Variants in SOX6 observed in about 807,000 individuals in gnomAD.
SOX6 encodes the protein SRY-box transcription factor 6, also known as transcription factor SOX-6.
SOX6 carries 11 observed loss-of-function variants against 97.8 expected under a neutral mutation model. The observed-to-expected ratio is 0.11, with a 90% CI of 0.07 to 0.19. The LOEUF (loss-of-function observed/expected upper bound fraction) is 0.19. Among genes scored for constraint, SOX6 ranks in the 10% least tolerant of loss-of-function variants. The pLI is 1.00. For missense variants in SOX6, 810 were observed against 1,039.5 expected, an observed-to-expected ratio of 0.78 and a Z score of 3.04; for synonymous variants, 360 against 371.4, an observed-to-expected ratio of 0.97 and a Z score of 0.35.
chr11:16,519,452 C>T (rs1437693864), intron 4 of SOX6, among the ~76,000 whole-genome samples: 2 of 152,082 alleles, frequency 1.3e-5, no homozygotes, highest in Non-Finnish European at 2.9e-5. Flanking sequence ...ATGCAGTATT[C>T]CTGTTTCTGA....
At chr11:16,738,017 C>T (rs187803478) in intron 1 of SOX6, among the ~76,000 whole-genome samples, 4 of 152,126 alleles carry the variant, frequency 2.6e-5, no homozygotes, top group Admixed American at 2.6e-4. Context: ...GGAGCACTCC[C>T]ACCTCACACA....
intron 3 of SOX6, among the ~76,000 whole-genome samples, chr11:16,255,235 C>T (rs1464597141): frequency 6.6e-6 from 1 of 151,978 alleles, no homozygotes; most frequent in African/African-American, 2.4e-5. Context: ...CATCATTGAA[C>T]TCAGCAACAC....
At chr11:16,487,203 A>T (rs1257969030) in intron 4 of SOX6, among the ~76,000 whole-genome samples, 1 of 152,190 alleles carries the variant, frequency 6.6e-6, no homozygotes, top group African/African-American at 2.4e-5. Flanking sequence ...ATGATTTTTT[A>T]AAATATAAGG....
At chr11:16,684,772 T>C (rs1189462633) in intron 3 of SOX6, among the ~76,000 whole-genome samples, 1 of 151,738 alleles carries the variant, frequency 6.6e-6, no homozygotes, top group Non-Finnish European at 1.5e-5. Flanking sequence ...GCCTTTCTCT[T>C]TGGAAAAAAA....
At chr11:16,464,003 C>T (rs2133108875) in intron 1 of SOX6, among the ~76,000 whole-genome samples, 1 of 152,316 alleles carries the variant, frequency 6.6e-6, no homozygotes, top group Middle Eastern at 3.4e-3. Flanking sequence ...AGAAACACAA[C>T]TAGGGACATC....
At chr11:16,533,592 T>A (rs1861265868) in intron 4 of SOX6, among the ~76,000 whole-genome samples, 1 of 152,046 alleles carries the variant, frequency 6.6e-6, no homozygotes. Flanking sequence ...AAAGATTATA[T>A]ACCCTCATTG....
intron 4 of SOX6, among the ~76,000 whole-genome samples, chr11:16,191,980 A>C (rs901821943): frequency 3.9e-5 from 6 of 151,994 alleles, no homozygotes; most frequent in Non-Finnish European, 5.9e-5. Flanking sequence ...CTCCAGCTGA[A>C]GTATTTTAAT....
intron 4 of SOX6, among the ~76,000 whole-genome samples, chr11:16,220,841 T>C (rs1852517795): frequency 6.6e-6 from 1 of 152,044 alleles, no homozygotes; most frequent in Non-Finnish European, 1.5e-5. Flanking sequence ...TTTATACCTA[T>C]CATGAATCAA....
chr11:16,672,108 T>C (rs1486623304), intron 3 of SOX6, among the ~76,000 whole-genome samples: 1 of 152,162 alleles, frequency 6.6e-6, no homozygotes, highest in African/African-American at 2.4e-5. Context: ...TGAGGGAGTT[T>C]GTTACCATCA....
chr11:16,197,138 C>T (rs1851802755), intron 4 of SOX6, among the ~76,000 whole-genome samples: 1 of 152,056 alleles, frequency 6.6e-6, no homozygotes, highest in Non-Finnish European at 1.5e-5. Flanking sequence ...CCAACATCCT[C>T]TGGCTTTTTA....
chr11:16,454,898 T>A (rs1167204259), intron 1 of SOX6, among the ~76,000 whole-genome samples: 1 of 152,132 alleles, frequency 6.6e-6, no homozygotes, highest in Admixed American at 6.6e-5. Flanking sequence ...TATGCATGAT[T>A]TCTTGGCAGA....
chr11:16,096,260 T>G, intron 8 of SOX6, 142 bp from the exon 9 acceptor site: 1 of 1,072,114 alleles, frequency 9.3e-7, no homozygotes, highest in Non-Finnish European at 1.3e-6. Context: ...AGTTTCTTTC[T>G]TTTACAGAAA....
At chr11:16,674,915 C>A (rs1847873956) in intron 3 of SOX6, among the ~76,000 whole-genome samples, 1 of 152,186 alleles carries the variant, frequency 6.6e-6, no homozygotes, top group Non-Finnish European at 1.5e-5. Flanking sequence ...AGATCACACA[C>A]CACTGCACTC....
At chr11:16,516,705 G>A (rs1860980230) in intron 4 of SOX6, among the ~76,000 whole-genome samples, 1 of 147,908 alleles carries the variant, frequency 6.8e-6, no homozygotes, top group African/African-American at 2.5e-5. Flanking sequence ...CAACCAAAAA[G>A]AGTCCAGGAC....
At chr11:16,265,691 CAT>C (rs1357073151) in intron 3 of SOX6, among the ~76,000 whole-genome samples, 1 of 151,816 alleles carries the variant, frequency 6.6e-6, no homozygotes, top group African/African-American at 2.4e-5. Context: ...ATATTTTTTA[CAT>C]GTTTGCTAAG....
At chr11:16,683,058 C>G (rs1002020199) in intron 3 of SOX6, among the ~76,000 whole-genome samples, 1 of 152,198 alleles carries the variant, frequency 6.6e-6, no homozygotes, top group African/African-American at 2.4e-5. Context: ...AGGAGAACTA[C>G]AAACCACTGC....
intron 3 of SOX6, among the ~76,000 whole-genome samples, chr11:16,712,651 C>T (rs1352825159): frequency 1.3e-5 from 2 of 152,126 alleles, no homozygotes; most frequent in Admixed American, 1.3e-4. Flanking sequence ...AAAACACTTC[C>T]CCATTAATTA....
At chr11:16,727,288 T>TG (rs1414363184) in intron 2 of SOX6, among the ~76,000 whole-genome samples, 4 of 138,464 alleles carry the variant, frequency 2.9e-5, no homozygotes, top group African/African-American at 1.0e-4. Flanking sequence ...ATATTCACCT[T>TG]GCTTTTTTTT....
At chr11:16,245,647 T>C (rs1853314070) in intron 3 of SOX6, among the ~76,000 whole-genome samples, 1 of 151,758 alleles carries the variant, frequency 6.6e-6, no homozygotes, top group East Asian at 1.9e-4. Flanking sequence ...GCAGAAATAT[T>C]ATGTCTTCTT....
Sources: allele counts gnomAD v4.1 joint callset (sites outside exome capture counted in the v4.1 genomes callset), GRCh38; gene constraint gnomAD v4.1.1; transcripts MANE v1.5; gene names NCBI Gene and HGNC (gene_info 2026-07-23, HGNC 2026-07-21).